The following NFX1 variants were observed in gnomAD, a reference collection of about 807,000 sequenced individuals.
The protein encoded by NFX1 is nuclear transcription factor, X-box binding 1, also known as transcriptional repressor NF-X1.
A neutral mutation model predicts 137.2 loss-of-function variants in NFX1; 69 were observed. The observed-to-expected ratio is 0.50, with a 90% CI of 0.41 to 0.61. The LOEUF (loss-of-function observed/expected upper bound fraction) is 0.61, where lower values mean the gene tolerates loss of function less well. NFX1 is among the 20% of genes least tolerant of loss of function. The pLI is 0.00. For missense variants in NFX1, 1,167 were observed against 1,391.0 expected, an observed-to-expected ratio of 0.84 and a Z score of 2.56; for synonymous variants, 495 against 474.1, an observed-to-expected ratio of 1.04 and a Z score of -0.57.
chr9:33,338,585 G>C lies in NFX1; in HGVS notation c.2111G>C (p.Cys704Ser). ...CGGCATAAATGTAATGAGATATGCT[G>C]TGTGGTAAGTGGACTTATTAGGCAT... is the stretch of plus-strand genomic sequence containing the variant. ...CGRHKCNEICCVDKEHKCPLI... is the reference protein window; with the variant it reads ...CGRHKCNEICSVDKEHKCPLI... The change falls in exon 12 of 24, where the codon TGT (cysteine) becomes TCT (serine). Residue 704 changes from cysteine to serine, a missense_variant. Around this residue, in one of 3 missense-constraint regions of NFX1, gnomAD observed 488 missense variants for 691.5 expected, o/e 0.71. Transcript: ENST00000379540. The C allele has an allele frequency of 6.3e-7, 1 of 1,589,710 alleles. No individual in the cohort carries two copies. The highest frequency in any genetic ancestry group is 1.2e-5 in the South Asian group (1 of 85,972).
At chr9:33,363,917 G>A in intron 19 of NFX1, 93 bp from the exon 20 acceptor site, 6 of 700,054 alleles carry the variant, frequency 8.6e-6, no homozygotes, top group South Asian at 2.4e-5. Flanking sequence ...TAAATAATGT[G>A]TAAAGAATTT....
Position 33,294,536 on chromosome 9 carries a change from T to C in NFX1, c.142T>C (p.Tyr48His), listed in dbSNP as rs766078175. 10 of 1,614,010 alleles carry C rather than the reference T, an allele frequency of 6.2e-6. No individual in the cohort carries two copies. In the Admixed American group the frequency reaches 8.3e-5, roughly 13 times the overall value. ...CTCTAATAGGATTGGTAGAAGAAAT[T>C]ACAGTTCACCACCTCCCTGTCACCT... Reference protein sequence around the residue: ...LDSNRIGRRNYSSPPPCHLSR... With the variant: ...LDSNRIGRRNHSSPPPCHLSR... The change falls in exon 2 of 24, where the codon TAC (tyrosine) becomes CAC (histidine). Residue 48 changes from tyrosine (Y) to histidine (H), a missense_variant. Tyr to His is a moderately conservative substitution (Grantham distance 83, BLOSUM62 2). Around this residue, in one of 3 missense-constraint regions of NFX1, gnomAD observed 367 missense variants for 386.7 expected, o/e 0.95. Transcript: ENST00000379540.
rs75181385 is a variant in NFX1 at position 33,366,646 on chromosome 9, A to G, written c.3057A>G (p.Lys1019=). The change falls in exon 22 of 24, where the codon AAA becomes AAG. Residue 1019 remains lysine, a synonymous_variant. Transcript: ENST00000379540. ...EAVNKGKNSK[K]SHSFPPMNRD... ...CAATACAGGGAAAGAATAGTAAGAA[A>G]AGCCACAGCTTCCCTCCCATGAACA... 2.1e-3 allele frequency: 3,381 copies of G among 1,614,064 alleles called. 61 individuals carry two copies. In the African/African-American group the frequency reaches 0.04, roughly 19 times the overall value.
chr9:33,342,865 T>G lies in NFX1; in HGVS notation c.2224+11T>G. 4 of 1,569,694 alleles carry G rather than the reference T, an allele frequency of 2.5e-6. No homozygotes were observed. The highest frequency in any genetic ancestry group is 3.5e-6 in the Non-Finnish European group (4 of 1,144,208). On this transcript the variant is annotated intron_variant, in intron 13 of 23. Transcript: ENST00000379540. Reference sequence around the variant, plus strand: ...CATGCTGGCAAGCCAGTGAGTGTCTTTACTGTATAGTTTATTAGAAGAGTT... The same window carrying G: ...CATGCTGGCAAGCCAGTGAGTGTCTGTACTGTATAGTTTATTAGAAGAGTT...
intron 3 of NFX1, among the ~76,000 whole-genome samples, chr9:33,302,167 C>G (rs200099343): frequency 1.3e-5 from 2 of 152,014 alleles, no homozygotes; most frequent in Admixed American, 6.6e-5. Context: ...TATTTTGATA[C>G]AAGCGTACAA....
chr9:33,327,624 C>CA (rs1822644048), intron 9 of NFX1, among the ~76,000 whole-genome samples: 1 of 152,134 alleles, frequency 6.6e-6, no homozygotes. Context: ...CTCGGTCTCC[C>CA]AAAGTGCTGG....
intron 19 of NFX1, 26 bp downstream of exon 19, chr9:33,354,918 AT>A: frequency 6.2e-7 from 1 of 1,613,062 alleles, no homozygotes; most frequent in Non-Finnish European, 8.5e-7. Flanking sequence ...TGCTTTTTTA[AT>A]CTCCTTGCCC....
At chr9:33,360,068 C>G (rs1367564413) in intron 19 of NFX1, among the ~76,000 whole-genome samples, 1 of 152,134 alleles carries the variant, frequency 6.6e-6, no homozygotes, top group Non-Finnish European at 1.5e-5. Context: ...AAACCCTTGC[C>G]CTTTAGGAAC....
In NFX1 at chr9:33,308,847, A is replaced by G. The variant is rs907010546; in HGVS notation, c.1376+1548A>G. Among the ~76,000 whole-genome samples, 7 of 152,132 alleles carry G rather than the reference A, an allele frequency of 4.6e-5. No homozygotes were observed. The East Asian group carries it at 9.7e-4, about 21-fold the overall frequency. ...TATTTCTACTGCTTGGAGGAGGGAT[A>G]ATATTGGACCAGGGCCTTGTGATCA... On this transcript the variant is annotated intron_variant, in intron 5 of 23. Coordinates refer to ENST00000379540, the MANE Select transcript of NFX1 (RefSeq NM_002504.6).
chr9:33,318,680 A>T, intron 7 of NFX1, 51 bp from the exon 8 acceptor site: 1 of 1,489,548 alleles, frequency 6.7e-7, no homozygotes, highest in Non-Finnish European at 9.3e-7. Context: ...GTGACATTTT[A>T]AGAACCCATA....
chr9:33,310,263 G>A (rs1416215885), intron 5 of NFX1, among the ~76,000 whole-genome samples: 4 of 152,072 alleles, frequency 2.6e-5, no homozygotes, highest in Admixed American at 2.6e-4. Context: ...GGCTCTGATT[G>A]GCTTTTGATT....
intron 15 of NFX1, 95 bp from the exon 16 acceptor site, chr9:33,351,465 C>T: frequency 6.5e-6 from 8 of 1,234,566 alleles, no homozygotes; most frequent in South Asian, 1.3e-5. Flanking sequence ...CAAAACCAAA[C>T]CCTGCCATAA....
chr9:33,327,217 A>C (rs184030847), intron 9 of NFX1, among the ~76,000 whole-genome samples: 54 of 152,308 alleles, frequency 3.5e-4, no homozygotes, highest in Non-Finnish European at 4.6e-4. Context: ...TAGAGGTGGA[A>C]TCTCACTCTA....
chr9:33,320,199 G>C (rs1822333093), intron 9 of NFX1, among the ~76,000 whole-genome samples: 1 of 151,044 alleles, frequency 6.6e-6, no homozygotes, highest in African/African-American at 2.4e-5. Context: ...TCCTGACCTT[G>C]GGTGATCTGC....
chr9:33,351,594 TCTCTTGCGGATTA>T lies in NFX1; in HGVS notation c.2461_2473del (p.Ser821ProfsTer55). The T allele has an allele frequency of 1.2e-6, 2 of 1,614,224 alleles. No individual in the cohort carries two copies. Among genetic ancestry groups the T allele is most frequent in the Non-Finnish European group, 1.7e-6 (2 of 1,180,040 alleles). The stretch of plus-strand genomic sequence containing the variant: ...AACATCCCCTGTCACCTGGTTGATA[TCTCTTGCGGATTA>T]CCCTGCAGTGCCACGCTACCATGTG... On this transcript the variant is annotated frameshift_variant, in exon 16 of 24. Coordinates refer to ENST00000379540, the MANE Select transcript of NFX1 (RefSeq NM_002504.6). LOFTEE classifies it high-confidence loss of function.
chr9:33,360,568 G>GA (rs1214240938), intron 19 of NFX1, among the ~76,000 whole-genome samples: 1 of 151,822 alleles, frequency 6.6e-6, no homozygotes, highest in African/African-American at 2.4e-5. Context: ...AAACCTAAGA[G>GA]AAAAAAATGC....
At chr9:33,359,530 C>T (rs903382143) in intron 19 of NFX1, among the ~76,000 whole-genome samples, 1 of 151,792 alleles carries the variant, frequency 6.6e-6, no homozygotes, top group African/African-American at 2.4e-5. Context: ...ACCTGGGAGG[C>T]AGAGGGTGCA....
chr9:33,325,094 T>G (rs1822531216), intron 9 of NFX1, among the ~76,000 whole-genome samples: 1 of 152,008 alleles, frequency 6.6e-6, no homozygotes, highest in Non-Finnish European at 1.5e-5. Context: ...AAATATTTAA[T>G]GAAATAATAG....
chr9:33,345,245 G>C (rs1427041590), intron 14 of NFX1, among the ~76,000 whole-genome samples: 24 of 152,132 alleles, frequency 1.6e-4, no homozygotes, highest in East Asian at 1.9e-4. Context: ...GGGAAGCTGA[G>C]GCAGGTGGAT....
Sources: allele counts gnomAD v4.1 joint callset (sites outside exome capture counted in the v4.1 genomes callset), GRCh38; gene constraint gnomAD v4.1.1; regional missense constraint gnomAD v4.1.1; transcripts MANE v1.5; gene names NCBI Gene and HGNC (gene_info 2026-07-23, HGNC 2026-07-21).